The following ZCWPW2 variants were observed in gnomAD, a reference collection of about 807,000 sequenced individuals.
ZCWPW2 encodes the protein zinc finger CW-type and PWWP domain containing 2.
Under a neutral mutation model 46.6 loss-of-function variants are expected in ZCWPW2, and 45 were observed. The observed-to-expected ratio is 0.96, with a 90% CI of 0.76 to 1.24. The LOEUF is 1.24. Among genes scored for constraint, ZCWPW2 ranks in the 50% most tolerant of loss-of-function variants. The probability of loss-of-function intolerance (pLI) is 0.00; values close to 1 mark genes in which losing one functional copy is unlikely to be tolerated. For missense variants in ZCWPW2, 429 were observed against 403.9 expected, an observed-to-expected ratio of 1.06 and a Z score of -0.53; for synonymous variants, 152 against 137.1, an observed-to-expected ratio of 1.11 and a Z score of -0.76.
chr3:28,441,221 T>C (rs568929024), intron 4 of ZCWPW2, among the ~76,000 whole-genome samples: 2 of 152,324 alleles, frequency 1.3e-5, no homozygotes, highest in South Asian at 4.1e-4. Flanking sequence ...TCACATGGGA[T>C]ACAAATATCT....
At chr3:28,444,217 C>T (rs1238482933) in intron 4 of ZCWPW2, among the ~76,000 whole-genome samples, 1 of 152,104 alleles carries the variant, frequency 6.6e-6, no homozygotes, top group African/African-American at 2.4e-5. Flanking sequence ...TCAAACAGCC[C>T]TTCTTGAGTG....
In ZCWPW2 at chr3:28,432,586, G is replaced by T. The variant is rs141196114; in HGVS notation, c.333-2524G>T. Among the ~76,000 whole-genome samples the T allele has an allele frequency of 2.5e-3, 387 of 152,176 alleles. 1 individual carries two copies. The highest frequency in any genetic ancestry group is 8.5e-3 in the African/African-American group (351 of 41,516). ...AGTAGGTCAGAGTGTAGAATGATTG[G>T]TTAATTTTTTAACACTTAGTTGATA... On this transcript the variant is annotated intron_variant, in intron 3 of 9. Coordinates refer to ENST00000383768, the MANE Select transcript of ZCWPW2 (RefSeq NM_001040432.4).
In ZCWPW2 at chr3:28,475,305, A is replaced by G. The variant is rs979228842; in HGVS notation, c.493-3509A>G. On this transcript the variant is annotated intron_variant, in intron 4 of 9. Coordinates refer to ENST00000383768, the MANE Select transcript of ZCWPW2 (RefSeq NM_001040432.4). ...GTGGTCAGGACGTGCTTTTTGCTCT[A>G]TCATCAAATTATGTCCAGAATCCTA... Among the ~76,000 whole-genome samples the G allele has an allele frequency of 5.9e-5, 9 of 152,128 alleles. 1 individual carries two copies. The highest frequency in any genetic ancestry group is 2.6e-4 in the Admixed American group (4 of 15,272).
intron 5 of ZCWPW2, among the ~76,000 whole-genome samples, chr3:28,487,728 G>A (rs1699652729): frequency 6.6e-6 from 1 of 152,138 alleles, no homozygotes; most frequent in Non-Finnish European, 1.5e-5. Flanking sequence ...TGATAGTTTA[G>A]CAGTGCAGTG....
chr3:28,434,232 G>A (rs374827162), intron 3 of ZCWPW2, among the ~76,000 whole-genome samples: 2 of 151,952 alleles, frequency 1.3e-5, no homozygotes, highest in African/African-American at 4.8e-5. Context: ...CACTTCAGAG[G>A]TTTTTCAGGA....
intron 2 of ZCWPW2, among the ~76,000 whole-genome samples, chr3:28,405,270 T>G (rs1309493044): frequency 6.6e-6 from 1 of 152,056 alleles, no homozygotes. Flanking sequence ...CTCCAAGATA[T>G]TAGGAGGTAA....
intron 2 of ZCWPW2, 72 bp downstream of exon 2, chr3:28,390,689 A>G (rs1287108500): frequency 5.2e-6 from 5 of 955,414 alleles, no homozygotes; most frequent in Admixed American, 6.2e-5. Context: ...ACTGTTCTCT[A>G]TTGCATATAT....
At chr3:28,358,022 T>C (rs1704806812) in intron 1 of ZCWPW2, among the ~76,000 whole-genome samples, 1 of 151,968 alleles carries the variant, frequency 6.6e-6, no homozygotes, top group East Asian at 1.9e-4. Context: ...ACCTTATTAA[T>C]TATTTACTCT....
intron 1 of ZCWPW2, among the ~76,000 whole-genome samples, chr3:28,361,094 C>CA (rs1348039212): frequency 9.9e-5 from 15 of 151,086 alleles, no homozygotes; most frequent in South Asian, 2.1e-4. Flanking sequence ...ATTCTAAAAT[C>CA]AAAAAAAAGG....
intron 1 of ZCWPW2, 44 bp downstream of exon 1, chr3:28,349,247 C>G: frequency 1.0e-6 from 1 of 973,256 alleles, no homozygotes; most frequent in Non-Finnish European, 1.2e-6. Flanking sequence ...CCGAGGTCCC[C>G]CTTCAGGGGC....
chr3:28,504,979 A>C (rs933722590), intron 6 of ZCWPW2, among the ~76,000 whole-genome samples: 10 of 152,190 alleles, frequency 6.6e-5, no homozygotes, highest in Non-Finnish European at 1.2e-4. Context: ...AAGACCGCTA[A>C]AAAATAAATT....
chr3:28,492,278 C>A (rs1699837030), intron 6 of ZCWPW2, 105 bp downstream of exon 6: 2 of 1,035,852 alleles, frequency 1.9e-6, no homozygotes, highest in Non-Finnish European at 2.7e-6. Flanking sequence ...GACATACAAT[C>A]CATTTTTTCT....
chr3:28,382,164 A>C, intron 1 of ZCWPW2, among the ~76,000 whole-genome samples: 1 of 145,708 alleles, frequency 6.9e-6, no homozygotes, highest in East Asian at 2.0e-4. Flanking sequence ...CTGCATCTCA[A>C]AAAAAAAAAA....
chr3:28,495,734 G>T (rs969443), intron 6 of ZCWPW2, among the ~76,000 whole-genome samples: 28,948 of 151,662 alleles, frequency 0.19, 3,387 homozygotes, highest in Middle Eastern at 0.28. Context: ...TAAAAGTATG[G>T]ATCTCAGATA....
intron 5 of ZCWPW2, among the ~76,000 whole-genome samples, chr3:28,481,361 A>G (rs1699423580): frequency 6.6e-6 from 1 of 151,986 alleles, no homozygotes; most frequent in Non-Finnish European, 1.5e-5. Flanking sequence ...CTCCTGCCTC[A>G]GCCTTCTGAG....
intron 6 of ZCWPW2, among the ~76,000 whole-genome samples, chr3:28,492,593 A>T (rs1699848048): frequency 6.6e-6 from 1 of 152,142 alleles, no homozygotes; most frequent in African/African-American, 2.4e-5. Flanking sequence ...AGCCATCTTA[A>T]TGAATTTTCT....
intron 1 of ZCWPW2, among the ~76,000 whole-genome samples, chr3:28,369,422 T>A (rs1705234725): frequency 6.6e-6 from 1 of 152,190 alleles, no homozygotes; most frequent in Admixed American, 6.5e-5. Context: ...GGAGGTCCAC[T>A]CCAGACCCTT....
intron 6 of ZCWPW2, among the ~76,000 whole-genome samples, chr3:28,511,425 G>A (rs537127931): frequency 6.6e-6 from 1 of 152,058 alleles, no homozygotes; most frequent in Non-Finnish European, 1.5e-5. Flanking sequence ...TAATAAATGT[G>A]CTGAATAGAC....
intron 6 of ZCWPW2, among the ~76,000 whole-genome samples, chr3:28,494,557 A>G (rs1298321517): frequency 6.6e-6 from 1 of 151,754 alleles, no homozygotes; most frequent in Admixed American, 6.6e-5. Context: ...TATTCAACAT[A>G]GTGTTGGAAG....
Sources: allele counts gnomAD v4.1 joint callset (sites outside exome capture counted in the v4.1 genomes callset), GRCh38; gene constraint gnomAD v4.1.1; transcripts MANE v1.5; gene names NCBI Gene and HGNC (gene_info 2026-07-23, HGNC 2026-07-21).